Variants in GSE1 observed in about 807,000 individuals in gnomAD.
The protein encoded by GSE1 is Gse1 coiled-coil protein.
Under a neutral mutation model 112.6 loss-of-function variants are expected in GSE1, and 32 were observed. The observed-to-expected ratio is 0.28, with a 90% CI of 0.21 to 0.38. The LOEUF (loss-of-function observed/expected upper bound fraction) is 0.38. Ranked by LOEUF, GSE1 falls within the 10% of genes least tolerant of loss-of-function variation. The probability of loss-of-function intolerance (pLI) is 1.00; values close to 1 mark genes in which losing one functional copy is unlikely to be tolerated. For missense variants in GSE1, 2,348 were observed against 1,699.2 expected (o/e 1.38, Z -6.71); for synonymous variants, 1,115 against 735.6 (o/e 1.52, Z -8.35).
intron 2 of GSE1, among the ~76,000 whole-genome samples, chr16:85,379,239 T>C (rs928858660): frequency 9.9e-5 from 15 of 151,876 alleles, no homozygotes; most frequent in African/African-American, 3.6e-4. Flanking sequence ...GCAGAGGGAG[T>C]GTGTTGCACC....
chr16:85,409,936 GC>G (rs773319547), intron 2 of GSE1, among the ~76,000 whole-genome samples: 2 of 7,252 alleles, frequency 2.8e-4, no homozygotes, highest in African/African-American at 5.9e-4. Context: ...TTACACTCAG[GC>G]CCCCCGGATA....
chr16:85,670,626 T>TATTA (rs2053254286), intron 14 of GSE1: 2 of 156,360 alleles, frequency 1.3e-5, no homozygotes, highest in Non-Finnish European at 2.8e-5. Context: ...GGCTTTATTT[T>TATTA]ATTAATTAAA....
intron 1 of GSE1, among the ~76,000 whole-genome samples, chr16:85,219,701 A>G (rs1040713603): frequency 4.6e-5 from 7 of 152,094 alleles, no homozygotes; most frequent in African/African-American, 1.7e-4. Context: ...TCCTGTGGTC[A>G]TTTCTTTTCT....
intron 2 of GSE1, among the ~76,000 whole-genome samples, chr16:85,359,048 C>A (rs901864350): frequency 2.0e-5 from 3 of 152,138 alleles, no homozygotes; most frequent in Non-Finnish European, 2.9e-5. Flanking sequence ...TTGTGACAGG[C>A]CTTGGCACCC....
upstream of GSE1, among the ~76,000 whole-genome samples, chr16:85,551,290 C>T (rs1051722184): frequency 1.3e-5 from 2 of 152,184 alleles, no homozygotes; most frequent in Admixed American, 1.3e-4. Context: ...TGAAGTCTTA[C>T]GAAGAGCGCT....
chr16:85,458,728 G>T (rs937208944), intron 2 of GSE1, among the ~76,000 whole-genome samples: 3 of 152,206 alleles, frequency 2.0e-5, no homozygotes, highest in Admixed American at 2.0e-4. Flanking sequence ...AACGCTGGGT[G>T]GCAGAGCAAG....
chr16:85,392,011 G>A (rs2047849874), intron 2 of GSE1, among the ~76,000 whole-genome samples: 1 of 152,034 alleles, frequency 6.6e-6, no homozygotes, highest in African/African-American at 2.4e-5. Flanking sequence ...TCCTTCCTGG[G>A]AACTCCTCTC....
At chr16:85,261,877 C>T (rs376567173) in intron 1 of GSE1, among the ~76,000 whole-genome samples, 7 of 152,274 alleles carry the variant, frequency 4.6e-5, no homozygotes, top group Non-Finnish European at 7.4e-5. Context: ...ATTTGGTGCC[C>T]GCTTTGGCTG....
intron 1 of GSE1, among the ~76,000 whole-genome samples, chr16:85,179,481 A>G (rs948413948): frequency 6.6e-6 from 1 of 152,324 alleles, no homozygotes; most frequent in Middle Eastern, 3.4e-3. Flanking sequence ...AAGTGTTCAC[A>G]GATGTCTTCA....
At chr16:85,604,093 A>G (rs919191386) in intron 1 of GSE1, among the ~76,000 whole-genome samples, 1 of 152,226 alleles carries the variant, frequency 6.6e-6, no homozygotes, top group African/African-American at 2.4e-5. Flanking sequence ...CCAGCATATC[A>G]CGTGGCAAAG....
chr16:85,623,597 A>C (rs556585668), intron 1 of GSE1, among the ~76,000 whole-genome samples: 33 of 152,232 alleles, frequency 2.2e-4, no homozygotes, highest in South Asian at 4.1e-4. Flanking sequence ...CCTTCAGTGG[A>C]AGTTCAGGCT....
chr16:85,445,906 G>A (rs970642664), intron 2 of GSE1, among the ~76,000 whole-genome samples: 6 of 152,308 alleles, frequency 3.9e-5, no homozygotes, highest in African/African-American at 1.4e-4. Flanking sequence ...GTCTTCAGGC[G>A]GGTGTCCTAA....
intron 1 of GSE1, among the ~76,000 whole-genome samples, chr16:85,206,027 C>G (rs781417383): frequency 6.6e-6 from 1 of 152,102 alleles, no homozygotes; most frequent in African/African-American, 2.4e-5. Context: ...CAGCGTGCCA[C>G]CAGGACAGGG....
chr16:85,418,904 G>A (rs1005252139), intron 2 of GSE1, among the ~76,000 whole-genome samples: 1 of 152,132 alleles, frequency 6.6e-6, no homozygotes, highest in East Asian at 1.9e-4. Flanking sequence ...GAGAACCTTA[G>A]AACATCTCCA....
intron 1 of GSE1, among the ~76,000 whole-genome samples, chr16:85,266,943 C>T (rs1042294374): frequency 4.6e-5 from 7 of 152,190 alleles, no homozygotes; most frequent in Non-Finnish European, 7.3e-5. Context: ...GGTGCCTGCT[C>T]AGCGCGGGGA....
intron 2 of GSE1, among the ~76,000 whole-genome samples, chr16:85,486,954 C>G (rs1174549067): frequency 6.6e-6 from 1 of 152,154 alleles, no homozygotes; most frequent in Non-Finnish European, 1.5e-5. Context: ...CATTTTGTGC[C>G]TAGCCCTGTG....
At chr16:85,554,496 C>T (rs978837436), upstream of GSE1, among the ~76,000 whole-genome samples, 1 of 152,086 alleles carries the variant, frequency 6.6e-6, no homozygotes, top group Admixed American at 6.6e-5. Flanking sequence ...TGATAATGCA[C>T]CAGTGCAGGG....
At chr16:85,494,198 G>T (rs1323757574) in intron 2 of GSE1, among the ~76,000 whole-genome samples, 1 of 152,236 alleles carries the variant, frequency 6.6e-6, no homozygotes, top group African/African-American at 2.4e-5. Flanking sequence ...TGAAGTCAAG[G>T]CATCAGCAGG....
At chr16:85,344,539 A>G (rs1450163123) in intron 1 of GSE1, among the ~76,000 whole-genome samples, 1 of 152,188 alleles carries the variant, frequency 6.6e-6, no homozygotes, top group East Asian at 1.9e-4. Context: ...AGCATGTGTG[A>G]AGCGCAGGGC....
Sources: allele counts gnomAD v4.1 joint callset (sites outside exome capture counted in the v4.1 genomes callset), GRCh38; gene constraint gnomAD v4.1.1; transcripts MANE v1.5; gene names NCBI Gene and HGNC (gene_info 2026-07-23, HGNC 2026-07-21).